Variants in ADGRD1 observed in about 807,000 individuals in gnomAD.
ADGRD1 encodes the protein adhesion G protein-coupled receptor D1, also known as G-protein coupled receptor 133.
Under a neutral mutation model 113.4 loss-of-function variants are expected in ADGRD1, and 77 were observed. The observed-to-expected ratio is 0.68, with a 90% CI of 0.57 to 0.82. The LOEUF (loss-of-function observed/expected upper bound fraction) is 0.82, where lower values mean the gene tolerates loss of function less well. Among genes scored for constraint, ADGRD1 ranks in the 40% least tolerant of loss-of-function variants. The pLI, the probability that ADGRD1 is intolerant of heterozygous loss-of-function variation, is 0.00. For missense variants in ADGRD1, 1,036 were observed against 1,139.1 expected (o/e 0.91, Z 1.30); for synonymous variants, 474 against 475.0 (o/e 1.00, Z 0.03).
chr12:131,122,346 G>A (rs774772461), intron 20 of ADGRD1, among the ~76,000 whole-genome samples: 21 of 152,132 alleles, frequency 1.4e-4, no homozygotes, highest in Admixed American at 2.0e-4. Context: ...GTGAATCGCT[G>A]TCAGCTGCAG....
rs545764360 is a variant in ADGRD1, at chr12:131,101,691, T to G, written c.1672-3140T>G. Reference sequence around the variant, plus strand: ...AGCCACTGTGTCTGGCCTCCATTGGTTTTTAACTGAATTCAGTTTGGTAAC... The same window carrying G: ...AGCCACTGTGTCTGGCCTCCATTGGGTTTTAACTGAATTCAGTTTGGTAAC... On this transcript the variant is annotated intron_variant, in intron 15 of 24. Coordinates refer to ENST00000261654, the MANE Select transcript of ADGRD1 (RefSeq NM_198827.5). 2.6e-5 allele frequency among the ~76,000 whole-genome samples: 4 copies of G among 152,186 alleles called. No homozygotes were observed. In the South Asian group the frequency reaches 8.3e-4, roughly 32 times the overall value.
chr12:131,081,968 A>G (rs1256070265), intron 14 of ADGRD1, among the ~76,000 whole-genome samples: 1 of 152,164 alleles, frequency 6.6e-6, no homozygotes, highest in Admixed American at 6.6e-5. Context: ...TTTTGTTCAA[A>G]AGTAAAACAT....
At chr12:130,977,601 C>G (rs1011916679) in intron 4 of ADGRD1, 11 of 152,368 alleles carry the variant, frequency 7.2e-5, no homozygotes, top group African/African-American at 2.2e-4. Context: ...CTTGCTCCAG[C>G]TCTGTTCTCA....
intron 13 of ADGRD1, among the ~76,000 whole-genome samples, chr12:131,063,306 G>C (rs1455858011): frequency 6.6e-6 from 1 of 152,042 alleles, no homozygotes; most frequent in African/African-American, 2.4e-5. Context: ...TCTAAATTTT[G>C]TAAAGTCCAA....
At chr12:131,123,039 G>GTTTTTTTTTTTTTTTTTTTT (rs552353187) in intron 20 of ADGRD1, among the ~76,000 whole-genome samples, 16 of 51,372 alleles carry the variant, frequency 3.1e-4, no homozygotes, top group Admixed American at 7.0e-4. Flanking sequence ...TACCTGGGGA[G>GTTTTTTTTTTTTTTTTTTTT]TTTTTTTTTT....
intron 13 of ADGRD1, chr12:131,024,823 G>A (rs1312550384): frequency 6.6e-6 from 1 of 152,272 alleles, no homozygotes; most frequent in Non-Finnish European, 1.5e-5. Flanking sequence ...CACGAGAAGG[G>A]AGCAATGGGA....
chr12:130,966,317 G>C lies in ADGRD1; in HGVS notation c.104-146G>C, dbSNP rs1593265761. On this transcript the variant is annotated intron_variant, in intron 2 of 24. Coordinates refer to ENST00000261654, the MANE Select transcript of ADGRD1 (RefSeq NM_198827.5). The surrounding 1 kb of genome is among the most constrained non-coding windows in gnomAD (Gnocchi z 4.6). ...CTTTTTCTAACCAAGAGTGTGTGTT[G>C]AATTTTATTAAATATGCTTTCAGTA... 1.7e-6 allele frequency: 1 copy of C among 574,696 alleles called. No individual in the cohort carries two copies. Among genetic ancestry groups the C allele is most frequent in the East Asian group, 2.9e-5 (1 of 34,828 alleles). 35.6% of individuals were successfully genotyped at this position (574,696 alleles called of 1,614,324 possible). A position where few individuals can be genotyped will look rare whatever the true frequency, so the allele number is the denominator to read the frequency against.
intron 2 of ADGRD1, among the ~76,000 whole-genome samples, chr12:130,960,291 C>G (rs909727222): frequency 2.0e-5 from 3 of 152,160 alleles, no homozygotes; most frequent in Non-Finnish European, 4.4e-5. Context: ...CGGCTCACTT[C>G]ACCCGCTCTA....
At chr12:131,036,970 TACTC>T (rs10604217) in intron 13 of ADGRD1, among the ~76,000 whole-genome samples, 44,438 of 118,902 alleles carry the variant, frequency 0.37, 9,380 homozygotes, top group South Asian at 0.51. Context: ...AACAGAATCT[TACTC>T]ACTGCATGGA....
intron 13 of ADGRD1, among the ~76,000 whole-genome samples, chr12:131,016,167 G>A (rs779600766): frequency 1.3e-5 from 2 of 152,228 alleles, no homozygotes; most frequent in Non-Finnish European, 2.9e-5. Context: ...CTCCCTCCAC[G>A]CGGTCTTTGC....
chr12:131,110,802 A>G (rs1424345420), intron 18 of ADGRD1, among the ~76,000 whole-genome samples: 1 of 152,222 alleles, frequency 6.6e-6, no homozygotes, highest in African/African-American at 2.4e-5. Context: ...ATTTCTTGTA[A>G]GGCATGTCTG....
Position 131,050,264 on chromosome 12 carries a change from G to A in ADGRD1, c.1474-26537G>A, listed in dbSNP as rs1026660013. Among the ~76,000 whole-genome samples, 1 of 151,964 alleles carries A rather than the reference G, an allele frequency of 6.6e-6. No individual in the cohort carries two copies. Among genetic ancestry groups the A allele is most frequent in the African/African-American group, 2.4e-5 (1 of 41,374 alleles). On this transcript the variant is annotated intron_variant, in intron 13 of 24. Transcript: ENST00000261654. This position sits in a 1 kb window ranked among gnomAD's most constrained non-coding sequence, Gnocchi z 4.8. Reference sequence around the variant, plus strand: ...AATGAGATTCTCAGTCAGGACATCCGGTGCTATTCATAGCCAGGAAGTGCT... The same window carrying A: ...AATGAGATTCTCAGTCAGGACATCCAGTGCTATTCATAGCCAGGAAGTGCT...
chr12:131,085,695 T>A (rs2137219556), intron 15 of ADGRD1, among the ~76,000 whole-genome samples: 1 of 152,306 alleles, frequency 6.6e-6, no homozygotes, highest in East Asian at 1.9e-4. Flanking sequence ...TAGATGTGGC[T>A]GCTCCGAGCC....
At chr12:130,980,172 T>A (rs1872783819) in intron 4 of ADGRD1, among the ~76,000 whole-genome samples, 1 of 151,592 alleles carries the variant, frequency 6.6e-6, no homozygotes, top group Non-Finnish European at 1.5e-5. Flanking sequence ...TGGCACAATC[T>A]CGGCTCACTG....
chr12:130,964,647 T>G (rs1317435988), intron 2 of ADGRD1, among the ~76,000 whole-genome samples: 1 of 152,174 alleles, frequency 6.6e-6, no homozygotes, highest in Non-Finnish European at 1.5e-5. Context: ...ATCGCGCCAT[T>G]GCACTCCAGC....
chr12:131,097,105 T>A (rs1012296381), intron 15 of ADGRD1, among the ~76,000 whole-genome samples: 6 of 152,160 alleles, frequency 3.9e-5, no homozygotes, highest in Admixed American at 1.3e-4. Context: ...GAGGTCCCCC[T>A]TTCTCTCCCC....
At chr12:131,029,281 C>T (rs975384150) in intron 13 of ADGRD1, among the ~76,000 whole-genome samples, 1 of 152,238 alleles carries the variant, frequency 6.6e-6, no homozygotes, top group Non-Finnish European at 1.5e-5. Context: ...CTTGAACCTG[C>T]AGTGCGAATC....
In ADGRD1 at chr12:131,139,377, G is replaced by A; in HGVS notation, c.*114G>A. On this transcript the variant is annotated 3_prime_UTR_variant, in exon 25 of 25. Transcript: ENST00000261654. ...TCCTTGCTGCTGTCTGGACATGGGT[G>A]TTGTGGCCCCGAGACAGCTGTCCTC... 2.7e-6 allele frequency: 2 copies of A among 727,302 alleles called. No individual in the cohort carries two copies. Among genetic ancestry groups the A allele is most frequent in the Non-Finnish European group, 4.7e-6 (2 of 428,232 alleles). 45.1% of individuals were successfully genotyped at this position (727,302 alleles called of 1,614,324 possible).
At chr12:131,043,485 T>A (rs565105567) in intron 13 of ADGRD1, among the ~76,000 whole-genome samples, 2 of 152,300 alleles carry the variant, frequency 1.3e-5, no homozygotes, top group South Asian at 4.1e-4. Flanking sequence ...GCTGTGGGCG[T>A]GTGGAACGCA....
Sources: gnomAD v4.1 joint callset for allele counts (sites outside exome capture counted in the v4.1 genomes callset) on GRCh38, gnomAD v4.1.1 for gene constraint, Gnocchi (gnomAD v3.1) non-coding constraint, MANE v1.5 for transcripts, NCBI Gene and HGNC (gene_info 2026-07-23, HGNC 2026-07-21) for gene names.